The following SNX18 variants were observed in gnomAD, a reference collection of about 807,000 sequenced individuals.
SNX18 encodes the protein sorting nexin 18, also known as sorting nexin-18.
SNX18 carries 35 observed loss-of-function variants against 48.7 expected under a neutral mutation model. The ratio of observed to expected loss-of-function variants is 0.72; its 90% CI spans 0.55 to 0.95. The LOEUF (loss-of-function observed/expected upper bound fraction) is 0.95, where lower values mean the gene tolerates loss of function less well. Ranked by LOEUF, SNX18 falls within the 40% of genes least tolerant of loss-of-function variation. The pLI is 0.00. For synonymous variants in SNX18, 492 were observed against 384.7 expected, an observed-to-expected ratio of 1.28 and a Z score of -3.26; for missense variants, 824 against 871.0, an observed-to-expected ratio of 0.95 and a Z score of 0.68.
At chr5:54,647,644 C>T in the SNX18 span, among the ~76,000 whole-genome samples, 39 of 152,256 alleles carry the variant, frequency 2.6e-4, no homozygotes, top group African/African-American at 8.7e-4. Context: ...AGTCATCATC[C>T]TGAAGGCTGT....
the SNX18 span, among the ~76,000 whole-genome samples, chr5:54,594,891 G>A: frequency 2.9e-4 from 44 of 152,018 alleles, no homozygotes; most frequent in Admixed American, 2.8e-3. Flanking sequence ...AATACCCAAT[G>A]TTTAGCTCCG....
At chr5:54,575,030 C>A in the SNX18 span, among the ~76,000 whole-genome samples, 2 of 152,096 alleles carry the variant, frequency 1.3e-5, no homozygotes, top group African/African-American at 4.8e-5. Flanking sequence ...TCTTGTTGCA[C>A]CTTGCCACTT....
At chr5:54,576,116 T>C in the SNX18 span, among the ~76,000 whole-genome samples, 1 of 152,236 alleles carries the variant, frequency 6.6e-6, no homozygotes, top group African/African-American at 2.4e-5. Context: ...GAGCTTATTC[T>C]CTCCCCAGCC....
chr5:54,645,471 ACTT>A, the SNX18 span: 1 of 152,178 alleles, frequency 6.6e-6, no homozygotes, highest in East Asian at 1.9e-4. Context: ...GTTAGAGAAA[ACTT>A]CTTGGAAGAG....
intron 1 of SNX18, chr5:54,519,779 G>T (rs747592623): frequency 1.9e-6 from 3 of 1,614,054 alleles, no homozygotes; most frequent in Non-Finnish European, 2.5e-6. Flanking sequence ...TTGCATTAGG[G>T]AATGAGTACT....
At chr5:54,595,389 C>A in the SNX18 span, among the ~76,000 whole-genome samples, 1 of 152,092 alleles carries the variant, frequency 6.6e-6, no homozygotes, top group Admixed American at 6.6e-5. Context: ...GCACGCGCCA[C>A]CATGCCCAGC....
the SNX18 span, among the ~76,000 whole-genome samples, chr5:54,568,556 G>A: frequency 6.6e-6 from 1 of 152,144 alleles, no homozygotes; most frequent in Non-Finnish European, 1.5e-5. Flanking sequence ...AAAGGAAGGG[G>A]TGGTTGTTCG....
chr5:54,553,293 A>T, the SNX18 span, among the ~76,000 whole-genome samples: 1 of 152,178 alleles, frequency 6.6e-6, no homozygotes, highest in Non-Finnish European at 1.5e-5. Context: ...GCTTCGTGAT[A>T]AACGAGACAT....
chr5:54,573,052 A>G, the SNX18 span, among the ~76,000 whole-genome samples: 3 of 151,862 alleles, frequency 2.0e-5, no homozygotes, highest in African/African-American at 7.3e-5. Context: ...TGTTTGCTAA[A>G]CACACCCAGA....
the SNX18 span, among the ~76,000 whole-genome samples, chr5:54,605,868 T>A: frequency 6.6e-6 from 1 of 152,138 alleles, no homozygotes; most frequent in Non-Finnish European, 1.5e-5. Context: ...ATCACTTTGT[T>A]GACCAGGCTA....
chr5:54,532,307 C>CTTTTTTTTTTT (rs35717409), intron 1 of SNX18, among the ~76,000 whole-genome samples: 1 of 137,068 alleles, frequency 7.3e-6, no homozygotes, highest in Non-Finnish European at 1.5e-5. Context: ...TCTATTGTTG[C>CTTTTTTTTTTT]TTTTTTTTTT....
downstream of SNX18, among the ~76,000 whole-genome samples, chr5:54,550,382 T>A (rs745380661): frequency 6.6e-6 from 1 of 152,038 alleles, no homozygotes; most frequent in Non-Finnish European, 1.5e-5. Context: ...TGACAGGTGG[T>A]CTCATAACAA....
At chr5:54,534,128 G>A (rs547345640) in intron 1 of SNX18, among the ~76,000 whole-genome samples, 133 of 152,158 alleles carry the variant, frequency 8.7e-4, no homozygotes, top group African/African-American at 2.9e-3. Flanking sequence ...GTTCTTTCCC[G>A]TACACCATGG....
At chr5:54,609,183 C>T in the SNX18 span, among the ~76,000 whole-genome samples, 1 of 152,190 alleles carries the variant, frequency 6.6e-6, no homozygotes, top group South Asian at 2.1e-4. Context: ...ACATATGAGG[C>T]TATAGAGCAC....
the SNX18 span, among the ~76,000 whole-genome samples, chr5:54,553,123 G>A: frequency 7.2e-5 from 11 of 152,228 alleles, no homozygotes; most frequent in African/African-American, 2.4e-4. Context: ...GAGTGGGGAA[G>A]GTCCAGATCT....
At chr5:54,591,087 A>G in the SNX18 span, among the ~76,000 whole-genome samples, 1 of 152,030 alleles carries the variant, frequency 6.6e-6, no homozygotes, top group Non-Finnish European at 1.5e-5. Flanking sequence ...AGCTTCCATA[A>G]ATTACAGGAA....
At chr5:54,574,284 G>T in the SNX18 span, among the ~76,000 whole-genome samples, 1 of 152,312 alleles carries the variant, frequency 6.6e-6, no homozygotes, top group East Asian at 1.9e-4. Context: ...TAGTGGCTGG[G>T]CGCTAAGAGG....
rs61739378 is a variant in SNX18, at chr5:54,519,410, G to A, written c.1458G>A (p.Ser486=). The change falls in exon 1 of 2, where the codon TCG becomes TCA. Residue 486 remains serine (S), a synonymous_variant. Transcript: ENST00000381410. ...TTGAGCTGGACCAGCAGGCCTTCTC[G>A]GTGGGCCTGAACCAGGCTATCGCCT... The part of the protein sequence containing the change: ...QAFELDQQAF[S]VGLNQAIAFT... 1 of 1,613,276 alleles carries A rather than the reference G, an allele frequency of 6.2e-7. No individual in the cohort carries two copies. Among genetic ancestry groups the A allele is most frequent in the Admixed American group, 1.7e-5 (1 of 60,012 alleles).
chr5:54,556,515 C>T, the SNX18 span, among the ~76,000 whole-genome samples: 1 of 152,180 alleles, frequency 6.6e-6, no homozygotes, highest in African/African-American at 2.4e-5. Context: ...ACATTGGGTC[C>T]ACCTGGTATA....
Sources: allele counts gnomAD v4.1 joint callset (sites outside exome capture counted in the v4.1 genomes callset), GRCh38; gene constraint gnomAD v4.1.1; transcripts MANE v1.5; gene names NCBI Gene and HGNC (gene_info 2026-07-23, HGNC 2026-07-21).